The following MCC variants were observed in gnomAD, a reference collection of about 807,000 sequenced individuals.
MCC encodes the protein colorectal mutant cancer protein.
A neutral mutation model predicts 116.2 loss-of-function variants in MCC; 90 were observed. The ratio of observed to expected loss-of-function variants is 0.77; its 90% CI spans 0.65 to 0.92. The LOEUF is 0.92. MCC is among the 40% of genes least tolerant of loss of function. MCC has a pLI of 0.00. For missense variants in MCC, 1,516 were observed against 1,312.2 expected (o/e 1.16, Z -2.40); for synonymous variants, 578 against 510.5 (o/e 1.13, Z -1.78).
chr5:113,374,304 CCTT>C (rs1458440540), intron 2 of MCC, among the ~76,000 whole-genome samples: 1 of 151,364 alleles, frequency 6.6e-6, no homozygotes, highest in Non-Finnish European at 1.5e-5. Flanking sequence ...CAGCCTTAAA[CCTT>C]CTTTGTTCCT....
chr5:113,035,327 C>G (rs1256196304), intron 17 of MCC, among the ~76,000 whole-genome samples: 3 of 152,236 alleles, frequency 2.0e-5, no homozygotes, highest in African/African-American at 7.2e-5. Flanking sequence ...ATTGTCACCA[C>G]ACCCAGGTCC....
chr5:113,096,966 G>A (rs994990622), intron 8 of MCC, among the ~76,000 whole-genome samples: 1 of 152,182 alleles, frequency 6.6e-6, no homozygotes, highest in African/African-American at 2.4e-5. Flanking sequence ...GACAGCTGGG[G>A]AGAGCTGAGA....
chr5:113,068,077 T>TA lies in MCC; in HGVS notation c.2029+2dup. The TA allele has an allele frequency of 6.2e-7, 1 of 1,613,102 alleles. No individual in the cohort carries two copies. Among genetic ancestry groups the TA allele is most frequent in the East Asian group, 2.2e-5 (1 of 44,868 alleles). ...GAGGAAGAGGGACTCTGGAGACACTTACCAGGGGAGGACCCCACGCCCGCC... is the reference window on the plus strand; with the variant it reads ...GAGGAAGAGGGACTCTGGAGACACTTAACCAGGGGAGGACCCCACGCCCGCC... On this transcript the variant is annotated splice_region_variant and intron_variant, in intron 13 of 18. Coordinates refer to ENST00000408903, the MANE Select transcript of MCC (RefSeq NM_001085377.2).
intron 8 of MCC, among the ~76,000 whole-genome samples, chr5:113,097,316 T>C (rs1197140799): frequency 1.3e-5 from 2 of 152,220 alleles, no homozygotes; most frequent in Non-Finnish European, 1.5e-5. Context: ...GTGTTCTATT[T>C]CTATGTATAT....
At chr5:113,067,281 G>C (rs72803226) in intron 13 of MCC, among the ~76,000 whole-genome samples, 2,490 of 152,272 alleles carry the variant, frequency 0.016, 57 homozygotes, top group South Asian at 0.13. Context: ...ATGCTGACAA[G>C]AGCAGGGGGT....
chr5:113,335,708 C>T (rs1581408306), intron 3 of MCC, among the ~76,000 whole-genome samples: 2 of 151,642 alleles, frequency 1.3e-5, no homozygotes. Flanking sequence ...ATGAATAGGG[C>T]TTAGATTACA....
intron 1 of MCC, chr5:113,433,569 G>T: frequency 1.1e-6 from 1 of 869,662 alleles, no homozygotes; most frequent in Non-Finnish European, 1.7e-6. Context: ...CCACCTAGGG[G>T]CCACGGGAGA....
At chr5:113,288,289 G>A (rs567629135) in intron 3 of MCC, among the ~76,000 whole-genome samples, 7 of 152,330 alleles carry the variant, frequency 4.6e-5, no homozygotes, top group African/African-American at 1.7e-4. Flanking sequence ...CTGCCTGCAG[G>A]GCTGGGAAAG....
intron 3 of MCC, among the ~76,000 whole-genome samples, chr5:113,193,072 T>C (rs1241701112): frequency 6.6e-6 from 1 of 152,210 alleles, no homozygotes; most frequent in Admixed American, 6.5e-5. Flanking sequence ...TTCTGGTAGC[T>C]GCCAGCATTC....
intron 1 of MCC, among the ~76,000 whole-genome samples, chr5:113,457,152 CG>C: frequency 6.6e-6 from 1 of 152,312 alleles, no homozygotes; most frequent in East Asian, 1.9e-4. Context: ...GAGGGAGAGG[CG>C]GGAGCGGGAA....
intron 4 of MCC, among the ~76,000 whole-genome samples, chr5:113,144,567 G>A (rs1327755814): frequency 6.6e-6 from 1 of 152,174 alleles, no homozygotes; most frequent in East Asian, 1.9e-4. Context: ...ATAACCCAGG[G>A]CAGGGACAAA....
rs760408776 is a variant in MCC at position 113,222,096 on chromosome 5, T to C, written c.628-70674A>G. ...TGAGAAAGTTCCCTCTATTCTTAAA[T>C]TCCTGAGAGTTTTGAGGGTTTTAAT... On this transcript the variant is annotated intron_variant, in intron 3 of 18. Coordinates refer to ENST00000408903, the MANE Select transcript of MCC (RefSeq NM_001085377.2). Among the ~76,000 whole-genome samples, 23 of 152,344 alleles carry C rather than the reference T, an allele frequency of 1.5e-4. 1 individual carries two copies. Among genetic ancestry groups the C allele is most frequent in the Admixed American group, 7.2e-4 (11 of 15,310 alleles).
chr5:113,246,381 G>A (rs1340755732), intron 3 of MCC, among the ~76,000 whole-genome samples: 1 of 152,170 alleles, frequency 6.6e-6, no homozygotes, highest in African/African-American at 2.4e-5. Flanking sequence ...AGAGGAAGAG[G>A]GAAGTAAAGG....
intron 2 of MCC, among the ~76,000 whole-genome samples, chr5:113,351,703 T>C (rs1270298555): frequency 6.6e-6 from 1 of 152,156 alleles, no homozygotes; most frequent in African/African-American, 2.4e-5. Context: ...TATAACTGGA[T>C]TGTTTGCGAC....
intron 13 of MCC, among the ~76,000 whole-genome samples, chr5:113,066,868 T>A (rs1753640521): frequency 6.6e-6 from 1 of 152,174 alleles, no homozygotes; most frequent in Non-Finnish European, 1.5e-5. Flanking sequence ...GCCCACACCA[T>A]CCATCTTTGG....
intron 17 of MCC, among the ~76,000 whole-genome samples, chr5:113,042,305 CAAAAA>C (rs59401267): frequency 1.1e-5 from 1 of 89,504 alleles, no homozygotes; most frequent in Non-Finnish European, 2.3e-5. Flanking sequence ...GACCCTGTCT[CAAAAA>C]AAAAAAAAAA....
At chr5:113,410,208 T>C (rs1769945171) in intron 1 of MCC, among the ~76,000 whole-genome samples, 1 of 152,224 alleles carries the variant, frequency 6.6e-6, no homozygotes, top group Non-Finnish European at 1.5e-5. Flanking sequence ...GTTCTGCGTA[T>C]GGATATGCTA....
At chr5:113,371,621 T>C (rs1196278714) in intron 2 of MCC, among the ~76,000 whole-genome samples, 1 of 152,252 alleles carries the variant, frequency 6.6e-6, no homozygotes, top group Non-Finnish European at 1.5e-5. Flanking sequence ...AATGTTTTTC[T>C]TGTAGATAGC....
intron 5 of MCC, among the ~76,000 whole-genome samples, chr5:113,135,942 G>T (rs1032013968): frequency 1.3e-5 from 2 of 152,112 alleles, no homozygotes; most frequent in Non-Finnish European, 2.9e-5. Flanking sequence ...CTACTCAGGA[G>T]GGGGAGGCAC....
Sources: gnomAD v4.1 joint callset for allele counts (sites outside exome capture counted in the v4.1 genomes callset) on GRCh38, gnomAD v4.1.1 for gene constraint, MANE v1.5 for transcripts, NCBI Gene and HGNC (gene_info 2026-07-23, HGNC 2026-07-21) for gene names.